KIAA1217: variants seen among roughly 807,000 people sequenced by gnomAD.
KIAA1217 encodes KIAA1217, also known as sickle tail protein homolog.
In KIAA1217, 88 loss-of-function variants were observed where a neutral mutation model predicts 163.9. That is an observed-to-expected ratio of 0.54 (90% CI 0.45 to 0.64). The LOEUF is 0.64. Among genes scored for constraint, KIAA1217 ranks in the 30% least tolerant of loss-of-function variants. The pLI is 0.00. For missense variants in KIAA1217, 2,372 were observed against 2,475.0 expected, an observed-to-expected ratio of 0.96 and a Z score of 0.88; for synonymous variants, 903 against 923.1, an observed-to-expected ratio of 0.98 and a Z score of 0.39.
At position 24,012,370 on chromosome 10, in the gene KIAA1217, C is replaced by G. The variant is rs572331254; in HGVS notation, c.-171+4996C>G. ...TATTCTTACAACTCTCTTAAGACCT[C>G]TAAGCCCATCCTCACTAGCCACAGC... is the stretch of plus-strand genomic sequence containing the variant. On this transcript the variant is annotated intron_variant, in intron 2 of 18. Coordinates refer to the KIAA1217 transcript ENST00000376462. Among the ~76,000 whole-genome samples, 3 of 152,288 alleles carry G rather than the reference C, an allele frequency of 2.0e-5. No individual in the cohort carries two copies. In the East Asian group the frequency reaches 5.8e-4, roughly 29 times the overall value.
chr10:24,235,318 A>G (rs1342388526), intron 2 of KIAA1217, among the ~76,000 whole-genome samples: 4 of 152,234 alleles, frequency 2.6e-5, no homozygotes, highest in Non-Finnish European at 4.4e-5. Context: ...AGTTGACAGA[A>G]TGTGAATGGA....
chr10:23,937,191 G>A (rs147112728), intron 1 of KIAA1217, among the ~76,000 whole-genome samples: 4,043 of 152,270 alleles, frequency 0.027, 99 homozygotes, highest in Middle Eastern at 0.044. Flanking sequence ...TTTCTTTCAA[G>A]TGGTCTTATG....
chr10:23,743,640 C>A (rs1042436908), intron 1 of KIAA1217, among the ~76,000 whole-genome samples: 6 of 152,148 alleles, frequency 3.9e-5, no homozygotes, highest in African/African-American at 1.4e-4. Flanking sequence ...TGATCAGCAG[C>A]CACTTCTCTG....
chr10:23,813,150 T>A (rs1837152677), intron 1 of KIAA1217, among the ~76,000 whole-genome samples: 1 of 152,186 alleles, frequency 6.6e-6, no homozygotes, highest in Non-Finnish European at 1.5e-5. Context: ...TTAAGTGCTA[T>A]CTCCTTGTGG....
chr10:24,194,386 T>C (rs1369510465), intron 2 of KIAA1217, among the ~76,000 whole-genome samples: 4 of 133,490 alleles, frequency 3.0e-5, no homozygotes, highest in Non-Finnish European at 4.7e-5. Flanking sequence ...TTCCCCTTGC[T>C]ATGTTGCCCA....
intron 2 of KIAA1217, among the ~76,000 whole-genome samples, chr10:24,202,462 CCTT>C (rs751808921): frequency 6.6e-6 from 1 of 152,116 alleles, no homozygotes; most frequent in Non-Finnish European, 1.5e-5. Flanking sequence ...ACAGGCTTCT[CCTT>C]CTCCTGCATC....
chr10:24,294,812 C>T (rs188735614), intron 2 of KIAA1217, among the ~76,000 whole-genome samples: 72 of 152,256 alleles, frequency 4.7e-4, no homozygotes, highest in African/African-American at 1.6e-3. Context: ...AACTCTAGGA[C>T]CTGAAAGGCA....
intron 2 of KIAA1217, among the ~76,000 whole-genome samples, chr10:24,251,157 C>T (rs901854608): frequency 6.6e-5 from 10 of 150,970 alleles, no homozygotes; most frequent in African/African-American, 2.2e-4. Context: ...ACCCAGGAGG[C>T]GGAGGTTGCA....
intron 2 of KIAA1217, among the ~76,000 whole-genome samples, chr10:24,250,066 G>A (rs1034509162): frequency 3.9e-5 from 6 of 152,166 alleles, no homozygotes; most frequent in African/African-American, 1.4e-4. Flanking sequence ...CAGTTTTGCT[G>A]CTGCTTGTTG....
intron 1 of KIAA1217, among the ~76,000 whole-genome samples, chr10:23,858,010 G>A (rs1330269272): frequency 1.3e-5 from 2 of 151,822 alleles, no homozygotes; most frequent in African/African-American, 4.8e-5. Context: ...CAGCAGCTGG[G>A]AGACAGGCCA....
intron 2 of KIAA1217, among the ~76,000 whole-genome samples, chr10:24,107,717 T>C (rs963863807): frequency 5.9e-5 from 9 of 152,200 alleles, no homozygotes; most frequent in African/African-American, 2.2e-4. Context: ...AAATTATCCA[T>C]CTTGGAAGTG....
intron 2 of KIAA1217, among the ~76,000 whole-genome samples, chr10:24,295,567 C>T (rs1277449484): frequency 6.6e-6 from 1 of 152,134 alleles, no homozygotes; most frequent in Non-Finnish European, 1.5e-5. Flanking sequence ...CAGTTCTAGA[C>T]TTCTTGATTT....
At chr10:24,001,725 T>C (rs1734247518) in intron 1 of KIAA1217, among the ~76,000 whole-genome samples, 3 of 152,172 alleles carry the variant, frequency 2.0e-5, no homozygotes, top group Admixed American at 2.0e-4. Context: ...AAGTTCTTGA[T>C]TGTAAGAAAC....
chr10:24,227,802 G>A (rs2070801115), intron 2 of KIAA1217, among the ~76,000 whole-genome samples: 1 of 152,122 alleles, frequency 6.6e-6, no homozygotes, highest in African/African-American at 2.4e-5. Flanking sequence ...AAAGTGCTGG[G>A]ATTACAGGCG....
chr10:23,715,207 C>T (rs918514646), intron 1 of KIAA1217, among the ~76,000 whole-genome samples: 2 of 152,200 alleles, frequency 1.3e-5, no homozygotes, highest in Non-Finnish European at 2.9e-5. Context: ...TTCTCCTGGG[C>T]TGCCATAGCT....
chr10:24,119,061 A>C (rs1308045793), intron 2 of KIAA1217, among the ~76,000 whole-genome samples: 1 of 152,186 alleles, frequency 6.6e-6, no homozygotes, highest in East Asian at 1.9e-4. Flanking sequence ...CTCATAAATT[A>C]CTTACAAGAT....
intron 2 of KIAA1217, among the ~76,000 whole-genome samples, chr10:24,103,962 A>G (rs748322799): frequency 6.6e-6 from 1 of 152,174 alleles, no homozygotes; most frequent in Non-Finnish European, 1.5e-5. Context: ...AGCAAAGCCA[A>G]TATAATGGGT....
chr10:23,710,806 G>C (rs562018437), intron 1 of KIAA1217, among the ~76,000 whole-genome samples: 5 of 152,252 alleles, frequency 3.3e-5, no homozygotes, highest in African/African-American at 1.2e-4. Context: ...TCTCCAGGTA[G>C]CTCATCAAAT....
intron 2 of KIAA1217, among the ~76,000 whole-genome samples, chr10:24,179,964 A>G (rs921680606): frequency 6.6e-6 from 1 of 152,228 alleles, no homozygotes; most frequent in African/African-American, 2.4e-5. Flanking sequence ...AAGTAAGTAT[A>G]TGGAGGAAAC....
Sources: gnomAD v4.1 joint callset for allele counts (sites outside exome capture counted in the v4.1 genomes callset) on GRCh38, gnomAD v4.1.1 for gene constraint, MANE v1.5 for transcripts, NCBI Gene and HGNC (gene_info 2026-07-23, HGNC 2026-07-21) for gene names.